The following MANBAL variants were observed in gnomAD, a reference collection of about 807,000 sequenced individuals.
MANBAL encodes protein MANBAL.
In MANBAL, 1 loss-of-function variant was observed where a neutral mutation model predicts 6.4. That is an observed-to-expected ratio of 0.16 (90% CI 0.06 to 0.74). MANBAL has a LOEUF of 0.74. Among genes scored for constraint, MANBAL ranks in the 30% least tolerant of loss-of-function variants. MANBAL has a pLI of 0.78. For synonymous variants in MANBAL, 47 were observed against 45.8 expected (o/e 1.03, Z -0.10); for missense variants, 100 against 107.8 (o/e 0.93, Z 0.32).
chr20:37,292,023 C>T (rs1033846481), intron 1 of MANBAL, among the ~76,000 whole-genome samples: 3 of 152,200 alleles, frequency 2.0e-5, no homozygotes, highest in Non-Finnish European at 2.9e-5. Flanking sequence ...TACATACTAT[C>T]GATATGAGTT....
rs116249205 is a variant in MANBAL, at chr20:37,291,267, C to T, written c.-57+1581C>T. On this transcript the variant is annotated intron_variant, in intron 1 of 2. Coordinates refer to ENST00000373606, the MANE Select transcript of MANBAL (RefSeq NM_001003897.2). Reference sequence around the variant, plus strand: ...GAGTGCCCATATAGCCCACGTTTCCCCTATTACTAATATCTGAAATGTCAC... The same window carrying T: ...GAGTGCCCATATAGCCCACGTTTCCTCTATTACTAATATCTGAAATGTCAC... Among the ~76,000 whole-genome samples the T allele has an allele frequency of 5.0e-3, 757 of 152,216 alleles. 10 individuals are homozygous for T. The highest frequency in any genetic ancestry group is 0.018 in the African/African-American group (730 of 41,530).
chr20:37,314,065 G>A (rs1317869946), intron 2 of MANBAL, among the ~76,000 whole-genome samples: 2 of 152,136 alleles, frequency 1.3e-5, no homozygotes, highest in Non-Finnish European at 2.9e-5. Context: ...TCCTTTCGTG[G>A]GTGCATGAGG....
chr20:37,307,212 C>T (rs529715005), intron 2 of MANBAL, among the ~76,000 whole-genome samples: 30 of 152,278 alleles, frequency 2.0e-4, no homozygotes, highest in African/African-American at 7.0e-4. Flanking sequence ...GTGATTCTCT[C>T]ACCTTGGCCT....
At chr20:37,315,069 A>G (rs1165577331) in intron 2 of MANBAL, among the ~76,000 whole-genome samples, 2 of 152,138 alleles carry the variant, frequency 1.3e-5, no homozygotes, top group Non-Finnish European at 2.9e-5. Flanking sequence ...ACATTTCCCA[A>G]TCATAGTGCT....
At chr20:37,311,984 C>T (rs927295330) in intron 2 of MANBAL, among the ~76,000 whole-genome samples, 2 of 151,972 alleles carry the variant, frequency 1.3e-5, no homozygotes, top group Non-Finnish European at 2.9e-5. Flanking sequence ...CGTTGGAAAG[C>T]GGAATGGACA....
rs192411942 is a variant in MANBAL, at chr20:37,290,706, G to A, written c.-57+1020G>A. 2.3e-3 allele frequency among the ~76,000 whole-genome samples: 355 copies of A among 152,220 alleles called. 1 individual carries two copies. The highest frequency in any genetic ancestry group is 8.4e-3 in the African/African-American group (351 of 41,544). ...ACTCCCGACCTCAGGTGATCCACCC[G>A]CCTCGGCCTCCCAGAGTGTTGGGAT... On this transcript the variant is annotated intron_variant, in intron 1 of 2. Coordinates refer to ENST00000373606, the MANE Select transcript of MANBAL (RefSeq NM_001003897.2).
At chr20:37,296,102 A>G (rs562630802) in intron 1 of MANBAL, among the ~76,000 whole-genome samples, 1 of 152,190 alleles carries the variant, frequency 6.6e-6, no homozygotes, top group South Asian at 2.1e-4. Flanking sequence ...GTGGCTTTTT[A>G]TTGTTAATTA....
chr20:37,304,804 G>C (rs1459433258), intron 2 of MANBAL, among the ~76,000 whole-genome samples: 1 of 152,202 alleles, frequency 6.6e-6, no homozygotes, highest in Non-Finnish European at 1.5e-5. Context: ...ACATGTCTGG[G>C]TGGTTCTGTC....
At chr20:37,314,831 A>G (rs1332593858) in intron 2 of MANBAL, among the ~76,000 whole-genome samples, 1 of 152,146 alleles carries the variant, frequency 6.6e-6, no homozygotes, top group East Asian at 1.9e-4. Context: ...CGAGGCAGGG[A>G]CTGCCCTTCC....
chr20:37,298,831 A>T lies in MANBAL; in HGVS notation c.-56-2377A>T, dbSNP rs1226637128. The T allele has an allele frequency of 4.6e-5, 7 of 151,544 alleles. No homozygotes were observed. In the East Asian group the frequency reaches 1.4e-3, roughly 29 times the overall value. The allele number at this position is 151,544 out of a possible 1,614,324, so 9.4% of individuals were successfully genotyped here. ...TGGCTCACTGCAGCCTAGACCTCCC[A>T]GCTGGAGCAATTCTCCTGCCTCAGC... On this transcript the variant is annotated intron_variant, in intron 1 of 2. Coordinates refer to ENST00000373606, the MANE Select transcript of MANBAL (RefSeq NM_001003897.2).
At chr20:37,310,276 T>C (rs1232381676) in intron 2 of MANBAL, among the ~76,000 whole-genome samples, 1 of 152,252 alleles carries the variant, frequency 6.6e-6, no homozygotes, top group Non-Finnish European at 1.5e-5. Flanking sequence ...AGGCCACTGC[T>C]AGTTTCATCT....
chr20:37,293,115 G>A (rs924103258), intron 1 of MANBAL, among the ~76,000 whole-genome samples: 3 of 152,194 alleles, frequency 2.0e-5, no homozygotes, highest in Non-Finnish European at 2.9e-5. Context: ...CCAGGGACCG[G>A]TTTCATGGAA....
chr20:37,300,406 CAAAAT>C (rs1439273401), intron 1 of MANBAL, among the ~76,000 whole-genome samples: 3 of 152,190 alleles, frequency 2.0e-5, no homozygotes, highest in Admixed American at 1.3e-4. Flanking sequence ...CTTCTCATCA[CAAAAT>C]AAAATGATGC....
At chr20:37,302,195 G>A in intron 2 of MANBAL, 1 of 1,542,602 alleles carries the variant, frequency 6.5e-7, no homozygotes, top group East Asian at 2.4e-5. Context: ...TGTCATGTGG[G>A]ATACCTACAT....
chr20:37,293,293 A>G (rs1005345175), intron 1 of MANBAL, among the ~76,000 whole-genome samples: 1 of 152,192 alleles, frequency 6.6e-6, no homozygotes, highest in Non-Finnish European at 1.5e-5. Context: ...TTGTTTTCCT[A>G]CAACTAGACA....
chr20:37,297,342 T>G (rs1322931081), intron 1 of MANBAL: 1 of 152,204 alleles, frequency 6.6e-6, no homozygotes. Flanking sequence ...TTGGGCTCTT[T>G]CCAGAAGTCA....
intron 2 of MANBAL, among the ~76,000 whole-genome samples, chr20:37,311,468 TTTTA>T (rs2069385797): frequency 6.6e-6 from 1 of 152,168 alleles, no homozygotes; most frequent in South Asian, 2.1e-4. Context: ...TCATTGTTTT[TTTTA>T]TTTGTTTGTT....
intron 2 of MANBAL, chr20:37,302,157 A>G (rs1303503130): frequency 4.3e-6 from 6 of 1,402,936 alleles, no homozygotes; most frequent in Non-Finnish European, 5.9e-6. Flanking sequence ...TGCTCGTGAC[A>G]TTGATTTATT....
rs191955564 is a variant in MANBAL at position 37,298,523 on chromosome 20, A to T, written c.-56-2685A>T. 3.8e-3 allele frequency among the ~76,000 whole-genome samples: 575 copies of T among 152,206 alleles called. 6 individuals are homozygous for T. The highest frequency in any genetic ancestry group is 0.012 in the African/African-American group (516 of 41,524). ...TTTGTGTCTAGCTTATTTCATATAT[A>T]TTTATTCAAAGCTCATAATGTTTTC... On this transcript the variant is annotated intron_variant, in intron 1 of 2. Transcript: ENST00000373606.
Sources: allele counts gnomAD v4.1 joint callset (sites outside exome capture counted in the v4.1 genomes callset), GRCh38; gene constraint gnomAD v4.1.1; transcripts MANE v1.5; gene names NCBI Gene and HGNC (gene_info 2026-07-23, HGNC 2026-07-21).